The following EVI5L variants were observed in gnomAD, a reference collection of about 807,000 sequenced individuals.
EVI5L encodes ecotropic viral integration site 5 like.
Under a neutral mutation model 106.1 loss-of-function variants are expected in EVI5L, and 30 were observed. The ratio of observed to expected loss-of-function variants is 0.28; its 90% CI spans 0.21 to 0.38. The LOEUF is 0.38. EVI5L is among the 10% of genes least tolerant of loss of function. The pLI is 1.00. For synonymous variants in EVI5L, 489 were observed against 483.3 expected, an observed-to-expected ratio of 1.01 and a Z score of -0.15; for missense variants, 809 against 1,098.0, an observed-to-expected ratio of 0.74 and a Z score of 3.72.
rs771337787 is a variant in EVI5L, at chr19:7,853,166, C to A, written c.1068C>A (p.Asn356Lys). The A allele has an allele frequency of 6.2e-7, 1 of 1,614,064 alleles. No homozygotes were observed. Among genetic ancestry groups the A allele is most frequent in the South Asian group, 1.1e-5 (1 of 91,086 alleles). ...LVLKAYQVKY[N>K]PKKMKRLEKE... ...TCAAAGCCTACCAGGTCAAGTACAA[C>A]CCCAAGAAGATGAAGAGGTCGGTGC... is the stretch of plus-strand genomic sequence containing the variant. The change falls in exon 9 of 20, where the codon AAC (asparagine) becomes AAA (lysine). Residue 356 changes from asparagine (N) to lysine (K), a missense_variant. Asn to Lys is a moderately conservative substitution (Grantham distance 94, BLOSUM62 0). Transcript: ENST00000538904.
At chr19:7,840,926 C>A (rs1390054258) in intron 1 of EVI5L, among the ~76,000 whole-genome samples, 1 of 152,168 alleles carries the variant, frequency 6.6e-6, no homozygotes, top group African/African-American at 2.4e-5. Flanking sequence ...CTGCTGTGAA[C>A]AGATGTTTGC....
chr19:7,862,757 C>T (rs1416259091), intron 17 of EVI5L, among the ~76,000 whole-genome samples: 1 of 126,920 alleles, frequency 7.9e-6, no homozygotes, highest in African/African-American at 2.9e-5. Flanking sequence ...CCCGCGGTCC[C>T]GCCTCCTGAT....
chr19:7,853,495 C>T (rs1979365589), intron 10 of EVI5L, 162 bp downstream of exon 10: 2 of 928,974 alleles, frequency 2.2e-6, no homozygotes, highest in Non-Finnish European at 3.2e-6. Context: ...CGTCCTTCAC[C>T]TGTTAGGCCA....
intron 8 of EVI5L, 121 bp from the exon 9 acceptor site, chr19:7,852,962 TGAG>T (rs773759413): frequency 1.8e-5 from 15 of 846,294 alleles, no homozygotes; most frequent in Non-Finnish European, 2.1e-5. Flanking sequence ...GACACGGCGT[TGAG>T]GACATGGCGA....
At position 7,860,579 on chromosome 19, in the gene EVI5L, G is replaced by T; in HGVS notation, c.1393G>T (p.Glu465Ter). 1 of 1,596,508 alleles carries T rather than the reference G, an allele frequency of 6.3e-7. No individual in the cohort carries two copies. The part of the protein sequence containing the change: ...QEQQENPRLT[E>*]DFVSHLETEL... The stretch of plus-strand genomic sequence containing the variant: ...CCCCCAGGAGAACCCCCGCCTCACA[G>T]AAGACTTCGTGTCCCACCTGGAGAC... The change falls in exon 14 of 20, where the codon GAA becomes TAA. Residue 465 changes from glutamate (E) to a stop codon, truncating the protein, a stop_gained. Coordinates refer to ENST00000538904, the MANE Select transcript of EVI5L (RefSeq NM_001159944.3). LOFTEE classifies it high-confidence loss of function.
At position 7,862,006 on chromosome 19, in the gene EVI5L, G is replaced by C; in HGVS notation, c.1632G>C (p.Ser544=). ...RELKLQLQEL[S]DTWQAHLARG... is the part of the protein sequence containing the mutation. Reference sequence around the variant, plus strand: ...TTAAACTGCAGCTGCAGGAGCTCTCGGACACCTGGCAGGTGAGGGCCGGGT... The same window carrying C: ...TTAAACTGCAGCTGCAGGAGCTCTCCGACACCTGGCAGGTGAGGGCCGGGT... The change falls in exon 15 of 20, where the codon TCG becomes TCC. Residue 544 remains serine, a synonymous_variant. Coordinates refer to ENST00000538904, the MANE Select transcript of EVI5L (RefSeq NM_001159944.3). 1 of 1,547,278 alleles carries C rather than the reference G, an allele frequency of 6.5e-7. No homozygotes were observed. The highest frequency in any genetic ancestry group is 8.7e-7 in the Non-Finnish European group (1 of 1,145,672).
In EVI5L at chr19:7,857,841, C is replaced by T; in HGVS notation, c.1234-350C>T. 1 of 274,372 alleles carries T rather than the reference C, an allele frequency of 3.6e-6. No homozygotes were observed. Among genetic ancestry groups the T allele is most frequent in the South Asian group, 4.7e-5 (1 of 21,074 alleles). The allele number at this position is 274,372 out of a possible 1,614,324, so 17.0% of individuals were successfully genotyped here. On this transcript the variant is annotated intron_variant, in intron 12 of 19. Coordinates refer to ENST00000538904, the MANE Select transcript of EVI5L (RefSeq NM_001159944.3). The surrounding 1 kb of genome is among the most constrained non-coding windows in gnomAD (Gnocchi z 4.5). ...TCAGCTGTCCCCAGATCCTCACCCT[C>T]ACCGGCAGAGTCTGGCATGAATAGG...
chr19:7,842,447 ATG>A lies in EVI5L; in HGVS notation c.-47-4044_-47-4043del, dbSNP rs556786682. Among the ~76,000 whole-genome samples, 25 of 93,276 alleles carry A rather than the reference ATG, an allele frequency of 2.7e-4. No individual in the cohort carries two copies. The South Asian group carries it at 2.8e-3, about 11-fold the overall frequency. The allele number at this position is 93,276 out of a possible 152,430, so 61.2% of individuals were successfully genotyped here. A position where few individuals can be genotyped will look rare whatever the true frequency, so the allele number is the denominator to read the frequency against. On this transcript the variant is annotated intron_variant, in intron 1 of 19. Coordinates refer to ENST00000538904, the MANE Select transcript of EVI5L (RefSeq NM_001159944.3). ...TGCATGTGTGTGCATGTCTGTGAGA[ATG>A]TGTGAATGTGTGTGTATCAAGTGTG...
chr19:7,856,600 C>T lies in EVI5L; in HGVS notation c.1201-492C>T, dbSNP rs562039613. Among the ~76,000 whole-genome samples, 1 of 152,144 alleles carries T rather than the reference C, an allele frequency of 6.6e-6. No individual in the cohort carries two copies. Among genetic ancestry groups the T allele is most frequent in the Non-Finnish European group, 1.5e-5 (1 of 67,978 alleles). ...GCCCCGGGAGCCCCCAATTCCTGCT[C>T]CTCACTCGTCCTCACTTGACCCTCC... On this transcript the variant is annotated intron_variant, in intron 11 of 19. Coordinates refer to ENST00000538904, the MANE Select transcript of EVI5L (RefSeq NM_001159944.3). The surrounding 1 kb of genome is among the most constrained non-coding windows in gnomAD (Gnocchi z 6.6).
Position 7,857,437 on chromosome 19 carries a change from T to A in EVI5L, c.1233+313T>A. 1.8e-6 allele frequency: 1 copy of A among 547,454 alleles called. No individual in the cohort carries two copies. Among genetic ancestry groups the A allele is most frequent in the South Asian group, 2.0e-5 (1 of 49,776 alleles). The allele number at this position is 547,454 out of a possible 1,614,324, so 33.9% of individuals were successfully genotyped here. ...GAGGGCTGGGGAACCTAAAACCATA[T>A]TCACATAAGGCCCTGGTGTGTGCAG... On this transcript the variant is annotated intron_variant, in intron 12 of 19. Transcript: ENST00000538904. The surrounding 1 kb of genome is among the most constrained non-coding windows in gnomAD (Gnocchi z 4.5).
At chr19:7,860,881 C>T (rs764417002) in intron 14 of EVI5L, among the ~76,000 whole-genome samples, 192 bp downstream of exon 14, 1 of 152,086 alleles carries the variant, frequency 6.6e-6, no homozygotes, top group Non-Finnish European at 1.5e-5. Context: ...ACTCCAGCAG[C>T]GTGGCAGCTT....
chr19:7,843,372 A>G (rs1978767616), intron 1 of EVI5L, among the ~76,000 whole-genome samples: 1 of 96,304 alleles, frequency 1.0e-5, no homozygotes, highest in Non-Finnish European at 2.1e-5. Flanking sequence ...GAGAATAGGC[A>G]TGGGTGTGTC....
At position 7,856,607 on chromosome 19, in the gene EVI5L, C is replaced by T. The variant is rs1341576050; in HGVS notation, c.1201-485C>T. Reference sequence around the variant, plus strand: ...GAGCCCCCAATTCCTGCTCCTCACTCGTCCTCACTTGACCCTCCACTGGCC... The same window carrying T: ...GAGCCCCCAATTCCTGCTCCTCACTTGTCCTCACTTGACCCTCCACTGGCC... On this transcript the variant is annotated intron_variant, in intron 11 of 19. Coordinates refer to ENST00000538904, the MANE Select transcript of EVI5L (RefSeq NM_001159944.3). This position sits in a 1 kb window ranked among gnomAD's most constrained non-coding sequence, Gnocchi z 6.6. Among the ~76,000 whole-genome samples, 2 of 152,044 alleles carry T rather than the reference C, an allele frequency of 1.3e-5. No homozygotes were observed. The highest frequency in any genetic ancestry group is 4.8e-5 in the African/African-American group (2 of 41,406).
intron 1 of EVI5L, among the ~76,000 whole-genome samples, chr19:7,843,781 C>T (rs1035636179): frequency 1.3e-5 from 2 of 151,610 alleles, no homozygotes; most frequent in Admixed American, 6.6e-5. Flanking sequence ...TGTGTACATG[C>T]GTGAGGGAGT....
At position 7,860,642 on chromosome 19, in the gene EVI5L, C is replaced by A; in HGVS notation, c.1456C>A (p.Leu486Met). The A allele has an allele frequency of 6.3e-7, 1 of 1,596,592 alleles. No homozygotes were observed. The highest frequency in any genetic ancestry group is 8.5e-7 in the Non-Finnish European group (1 of 1,171,798). ...GTCGAGGCTGCGGGAGACGGAGACA[C>A]TGGGGGCCCTTCGGGAGATGCAGGA... ...EQSRLRETET[L>M]GALREMQDKV... The change falls in exon 14 of 20, where the codon CTG (leucine) becomes ATG (methionine). Residue 486 changes from leucine (L) to methionine (M), a missense_variant. Leu to Met is a conservative substitution (Grantham distance 15). Coordinates refer to ENST00000538904, the MANE Select transcript of EVI5L (RefSeq NM_001159944.3).
At position 7,847,800 on chromosome 19, in the gene EVI5L, T is replaced by C; in HGVS notation, c.206T>C (p.Leu69Pro). 1 of 1,613,036 alleles carries C rather than the reference T, an allele frequency of 6.2e-7. No homozygotes were observed. Among genetic ancestry groups the C allele is most frequent in the Non-Finnish European group, 8.5e-7 (1 of 1,179,718 alleles). The change falls in exon 3 of 20, where the codon CTA becomes CCA. Residue 69 changes from leucine (L) to proline (P), a missense_variant. Around this residue, in one of 2 missense-constraint regions of EVI5L, gnomAD observed 357 missense variants for 588.1 expected, o/e 0.61. Transcript: ENST00000538904. ...NGSRRNSGSS[L>P]VSSSSASSNL... is the part of the protein sequence containing the mutation. ...TCGCGGCGGAACAGTGGCTCCTCGC[T>C]AGTGTCCAGCTCCTCGGCCTCCTCC...
chr19:7,842,769 T>A (rs574292083), intron 1 of EVI5L, among the ~76,000 whole-genome samples: 2 of 65,814 alleles, frequency 3.0e-5, no homozygotes, highest in African/African-American at 4.3e-5. Context: ...TGTGTGTATA[T>A]GAGTGTGCGT....
At chr19:7,837,704 GT>G (rs557399721) in intron 1 of EVI5L, among the ~76,000 whole-genome samples, 20 of 151,084 alleles carry the variant, frequency 1.3e-4, no homozygotes, top group Non-Finnish European at 2.8e-4. Context: ...TTTGGTTTTT[GT>G]TTTTTGTTTT....
chr19:7,835,757 C>T lies in EVI5L; in HGVS notation c.-48+5376C>T, dbSNP rs915365032. On this transcript the variant is annotated intron_variant, in intron 1 of 19. Coordinates refer to ENST00000538904, the MANE Select transcript of EVI5L (RefSeq NM_001159944.3). The surrounding 1 kb of genome is among the most constrained non-coding windows in gnomAD (Gnocchi z 4.1). The stretch of plus-strand genomic sequence containing the variant: ...AGGGGCAGCTCACCTGTCAGTTGTC[C>T]GCCCACACCTTGCCAAGGACGAGAG... Among the ~76,000 whole-genome samples, 8 of 152,154 alleles carry T rather than the reference C, an allele frequency of 5.3e-5. No individual in the cohort carries two copies. The highest frequency in any genetic ancestry group is 2.1e-4 in the South Asian group (1 of 4,830).
Sources: allele counts gnomAD v4.1 joint callset (sites outside exome capture counted in the v4.1 genomes callset), GRCh38; gene constraint gnomAD v4.1.1; regional missense constraint gnomAD v4.1.1; non-coding constraint Gnocchi (gnomAD v3.1); transcripts MANE v1.5; gene names NCBI Gene and HGNC (gene_info 2026-07-23, HGNC 2026-07-21).